RBFOX1: variants seen among roughly 807,000 people sequenced by gnomAD.
The protein encoded by RBFOX1 is RNA binding protein fox-1 homolog 1.
A neutral mutation model predicts 57.7 loss-of-function variants in RBFOX1; 8 were observed. The observed-to-expected ratio is 0.14, with a 90% CI of 0.08 to 0.25. The LOEUF (loss-of-function observed/expected upper bound fraction) is 0.25. Ranked by LOEUF, RBFOX1 falls within the 10% of genes least tolerant of loss-of-function variation. The probability of loss-of-function intolerance (pLI) is 1.00; values close to 1 mark genes in which losing one functional copy is unlikely to be tolerated. For synonymous variants in RBFOX1, 326 were observed against 222.4 expected (o/e 1.47, Z -4.15); for missense variants, 611 against 548.5 (o/e 1.11, Z -1.14).
chr16:6,056,621 C>G (rs966921618), intron 1 of RBFOX1, among the ~76,000 whole-genome samples: 1 of 152,080 alleles, frequency 6.6e-6, no homozygotes, highest in African/African-American at 2.4e-5. Flanking sequence ...TAGCTGTTAC[C>G]AGGAGAGGAG....
chr16:7,004,636 C>T (rs112744113), intron 3 of RBFOX1, among the ~76,000 whole-genome samples: 12 of 152,208 alleles, frequency 7.9e-5, no homozygotes, highest in African/African-American at 1.2e-4. Flanking sequence ...AAAGCCTCAA[C>T]ATTGGTATTC....
chr16:6,160,897 A>G (rs186485898), intron 1 of RBFOX1, among the ~76,000 whole-genome samples: 3 of 152,244 alleles, frequency 2.0e-5, no homozygotes, highest in East Asian at 3.9e-4. Context: ...GATTGCCCTC[A>G]TCGCTCTCCG....
intron 3 of RBFOX1, among the ~76,000 whole-genome samples, chr16:7,007,670 C>G (rs755553601): frequency 6.6e-6 from 1 of 152,152 alleles, no homozygotes; most frequent in Non-Finnish European, 1.5e-5. Context: ...AAGCTCTTCT[C>G]TTTAACATGA....
intron 2 of RBFOX1, among the ~76,000 whole-genome samples, chr16:6,519,727 C>T (rs62015466): frequency 0.073 from 11,151 of 152,060 alleles, 1,039 homozygotes; most frequent in African/African-American, 0.22. Context: ...GAAAACTCTG[C>T]GAGAACTACC....
chr16:5,333,283 C>A (rs752572664), intron 1 of RBFOX1, among the ~76,000 whole-genome samples: 1 of 152,188 alleles, frequency 6.6e-6, no homozygotes, highest in African/African-American at 2.4e-5. Flanking sequence ...AAATTTGGTT[C>A]AAGTCCTGCT....
chr16:6,308,099 T>C (rs1234325770), intron 1 of RBFOX1, among the ~76,000 whole-genome samples: 1 of 151,454 alleles, frequency 6.6e-6, no homozygotes, highest in African/African-American at 2.4e-5. Flanking sequence ...TTTATTTAGG[T>C]TATTATTTAC....
intron 2 of RBFOX1, among the ~76,000 whole-genome samples, chr16:5,591,334 A>T (rs1315744283): frequency 6.6e-6 from 1 of 150,764 alleles, no homozygotes; most frequent in African/African-American, 2.4e-5. Flanking sequence ...TCACTGCAAC[A>T]TCTGCCTCCT....
intron 4 of RBFOX1, among the ~76,000 whole-genome samples, chr16:7,461,419 G>C (rs1201545002): frequency 6.6e-6 from 1 of 152,090 alleles, no homozygotes; most frequent in East Asian, 1.9e-4. Context: ...GCTCACCTTA[G>C]CCTCCCAAAG....
At chr16:6,113,847 T>G (rs559731661) in intron 1 of RBFOX1, among the ~76,000 whole-genome samples, 1 of 152,340 alleles carries the variant, frequency 6.6e-6, no homozygotes, top group African/African-American at 2.4e-5. Context: ...GTTATTCCAC[T>G]GCCAGGCCGT....
chr16:7,100,464 C>A, intron 4 of RBFOX1, among the ~76,000 whole-genome samples: 1 of 151,920 alleles, frequency 6.6e-6, no homozygotes, highest in Non-Finnish European at 1.5e-5. Flanking sequence ...CCATTTTCCT[C>A]CAAAACAGAA....
chr16:6,276,639 G>A (rs1046319084), intron 1 of RBFOX1, among the ~76,000 whole-genome samples: 3 of 152,098 alleles, frequency 2.0e-5, no homozygotes, highest in Admixed American at 6.6e-5. Context: ...CTCCGCGCCC[G>A]GCTGAGAGTC....
intron 3 of RBFOX1, among the ~76,000 whole-genome samples, chr16:7,014,415 A>AT (rs980557574): frequency 1.5e-4 from 22 of 148,894 alleles, no homozygotes; most frequent in South Asian, 4.3e-4. Context: ...ATTTTATTTT[A>AT]TTTTTTTTTA....
chr16:6,807,514 A>G (rs35196332), intron 3 of RBFOX1, among the ~76,000 whole-genome samples: 17,342 of 151,954 alleles, frequency 0.11, 1,176 homozygotes, highest in East Asian at 0.15. Context: ...TGCTTGTCCT[A>G]TGATATTAAG....
At chr16:5,623,078 C>T (rs1258806249) in intron 3 of RBFOX1, among the ~76,000 whole-genome samples, 2 of 152,142 alleles carry the variant, frequency 1.3e-5, no homozygotes, top group Non-Finnish European at 2.9e-5. Flanking sequence ...GGAACCAACC[C>T]CTCATGAACA....
At chr16:6,668,728 A>T (rs1336291864) in intron 3 of RBFOX1, among the ~76,000 whole-genome samples, 2 of 152,156 alleles carry the variant, frequency 1.3e-5, no homozygotes, top group Non-Finnish European at 2.9e-5. Flanking sequence ...GAAATTTTGT[A>T]TTAATTGGGG....
intron 4 of RBFOX1, among the ~76,000 whole-genome samples, chr16:7,516,863 A>G (rs185124571): frequency 3.3e-5 from 5 of 151,386 alleles, no homozygotes; most frequent in Admixed American, 1.3e-4. Context: ...TCTTTCTGTC[A>G]TCATGTTTTT....
chr16:7,488,821 T>C (rs1268066327), intron 4 of RBFOX1, among the ~76,000 whole-genome samples: 1 of 152,174 alleles, frequency 6.6e-6, no homozygotes, highest in African/African-American at 2.4e-5. Flanking sequence ...CATCCATCTA[T>C]CCATCTATAC....
intron 3 of RBFOX1, among the ~76,000 whole-genome samples, chr16:6,824,982 G>GCTTTTTTTTTTTTT: frequency 2.6e-5 from 1 of 38,384 alleles, no homozygotes; most frequent in Non-Finnish European, 6.5e-5. Context: ...TTTCTTTCTT[G>GCTTTTTTTTTTTTT]GTTTTTTTTT....
At chr16:7,113,518 T>C (rs1367111207) in intron 4 of RBFOX1, among the ~76,000 whole-genome samples, 1 of 152,190 alleles carries the variant, frequency 6.6e-6, no homozygotes, top group Non-Finnish European at 1.5e-5. Flanking sequence ...GATATTTGAC[T>C]ACTTAGATGT....
Sources: gnomAD v4.1 joint callset for allele counts (sites outside exome capture counted in the v4.1 genomes callset) on GRCh38, gnomAD v4.1.1 for gene constraint, MANE v1.5 for transcripts, NCBI Gene and HGNC (gene_info 2026-07-23, HGNC 2026-07-21) for gene names.